Variants in OPCML observed in about 807,000 individuals in gnomAD.
The protein encoded by OPCML is opioid binding protein/cell adhesion molecule like, also known as opioid-binding protein/cell adhesion molecule.
OPCML carries 13 observed loss-of-function variants against 37.8 expected under a neutral mutation model. The observed-to-expected ratio is 0.34, with a 90% CI of 0.22 to 0.55. OPCML has a LOEUF of 0.55. Ranked by LOEUF, OPCML falls within the 20% of genes least tolerant of loss-of-function variation. OPCML has a pLI of 0.91. For missense variants in OPCML, 341 were observed against 435.6 expected (o/e 0.78, Z 1.93); for synonymous variants, 176 against 168.8 (o/e 1.04, Z -0.33).
At chr11:132,501,345 C>A (rs2096245162) in intron 4 of OPCML, among the ~76,000 whole-genome samples, 1 of 152,140 alleles carries the variant, frequency 6.6e-6, no homozygotes, top group Admixed American at 6.6e-5. Context: ...ACTAGAACAC[C>A]AAAAGCAATT....
intron 1 of OPCML, among the ~76,000 whole-genome samples, chr11:133,057,388 G>A (rs886920071): frequency 5.3e-5 from 8 of 152,154 alleles, no homozygotes; most frequent in South Asian, 2.1e-4. Context: ...GTCAGCTGGC[G>A]GCTCTTCGAC....
chr11:133,124,152 G>A (rs1354587249), intron 1 of OPCML, among the ~76,000 whole-genome samples: 1 of 146,206 alleles, frequency 6.8e-6, no homozygotes, highest in Middle Eastern at 3.4e-3. Context: ...CCATACTTAA[G>A]CCATACCCTC....
chr11:132,845,960 G>A (rs969558885), intron 2 of OPCML, among the ~76,000 whole-genome samples: 13 of 152,158 alleles, frequency 8.5e-5, no homozygotes, highest in Non-Finnish European at 1.9e-4. Flanking sequence ...CCCCAGTGTG[G>A]ACACTTAACT....
chr11:132,961,802 A>ATC (rs1946098668), intron 1 of OPCML, among the ~76,000 whole-genome samples: 1 of 152,312 alleles, frequency 6.6e-6, no homozygotes, highest in East Asian at 1.9e-4. Flanking sequence ...TGACATTTCC[A>ATC]TCTCTCTCTG....
At chr11:133,088,584 A>G (rs1334572882) in intron 1 of OPCML, among the ~76,000 whole-genome samples, 1 of 152,244 alleles carries the variant, frequency 6.6e-6, no homozygotes, top group East Asian at 1.9e-4. Context: ...GGGGATTGCA[A>G]TAAAAATCAC....
chr11:132,797,345 AT>A (rs781115115), intron 2 of OPCML, among the ~76,000 whole-genome samples: 15 of 152,154 alleles, frequency 9.9e-5, no homozygotes, highest in Non-Finnish European at 1.8e-4. Flanking sequence ...TCCCCATCCC[AT>A]TTTTTGTAAA....
intron 1 of OPCML, among the ~76,000 whole-genome samples, chr11:133,484,138 TG>T (rs1947475853): frequency 7.1e-6 from 1 of 141,520 alleles, no homozygotes; most frequent in African/African-American, 2.8e-5. Context: ...GATAGATAGA[TG>T]ATAGATGGAT....
chr11:132,982,330 C>T (rs1002662207), intron 1 of OPCML, among the ~76,000 whole-genome samples: 1 of 139,792 alleles, frequency 7.2e-6, no homozygotes, highest in African/African-American at 2.9e-5. Flanking sequence ...CTCTACCTTT[C>T]TCTCCCTCCT....
intron 1 of OPCML, among the ~76,000 whole-genome samples, chr11:133,364,224 G>C (rs575444095): frequency 6.6e-6 from 1 of 152,282 alleles, no homozygotes; most frequent in Admixed American, 6.5e-5. Context: ...ATTCCTACAC[G>C]CATGCACATG....
intron 1 of OPCML, among the ~76,000 whole-genome samples, chr11:133,411,986 C>T (rs975283831): frequency 5.9e-5 from 9 of 152,052 alleles, no homozygotes; most frequent in African/African-American, 1.2e-4. Flanking sequence ...TACTTATTTG[C>T]CACCCCCTCC....
chr11:132,605,997 G>T (rs1054944735), intron 3 of OPCML, among the ~76,000 whole-genome samples: 2 of 152,114 alleles, frequency 1.3e-5, no homozygotes, highest in African/African-American at 4.8e-5. Context: ...ATACTTTTGA[G>T]TTACCCTTGG....
At chr11:133,002,783 G>T (rs937989405) in intron 1 of OPCML, among the ~76,000 whole-genome samples, 1 of 151,698 alleles carries the variant, frequency 6.6e-6, no homozygotes. Flanking sequence ...AAGAGAGGGG[G>T]GGGTGGGAAG....
At chr11:132,784,955 T>C (rs998554114) in intron 2 of OPCML, among the ~76,000 whole-genome samples, 2 of 152,210 alleles carry the variant, frequency 1.3e-5, no homozygotes, top group African/African-American at 4.8e-5. Context: ...GTCTCAAGTA[T>C]TTCTTCATAA....
At chr11:133,464,556 C>A (rs956004614) in intron 1 of OPCML, among the ~76,000 whole-genome samples, 17 of 152,094 alleles carry the variant, frequency 1.1e-4, no homozygotes, top group Non-Finnish European at 2.5e-4. Flanking sequence ...GGATCAGAAT[C>A]TTTGGAAATG....
At chr11:132,792,963 G>C (rs763381807) in intron 2 of OPCML, among the ~76,000 whole-genome samples, 1 of 152,162 alleles carries the variant, frequency 6.6e-6, no homozygotes, top group South Asian at 2.1e-4. Flanking sequence ...ATTTCCAGCC[G>C]GATAGAGCGC....
intron 3 of OPCML, among the ~76,000 whole-genome samples, chr11:132,612,831 G>A (rs559336422): frequency 1.2e-4 from 18 of 152,162 alleles, no homozygotes; most frequent in African/African-American, 2.9e-4. Flanking sequence ...TCTGCAGTCC[G>A]GTCACCTATT....
chr11:132,831,752 C>T (rs925413929), intron 2 of OPCML, among the ~76,000 whole-genome samples: 4 of 150,974 alleles, frequency 2.6e-5, no homozygotes, highest in Admixed American at 6.6e-5. Context: ...GTTTCAAACA[C>T]TTTAAAGTTA....
chr11:132,894,314 C>G (rs1943755907), intron 2 of OPCML, among the ~76,000 whole-genome samples: 1 of 152,204 alleles, frequency 6.6e-6, no homozygotes, highest in African/African-American at 2.4e-5. Flanking sequence ...ACCTTGCTCT[C>G]CAGCTAACTT....
chr11:133,464,733 G>A (rs1323550546), intron 1 of OPCML, among the ~76,000 whole-genome samples: 1 of 152,196 alleles, frequency 6.6e-6, no homozygotes, highest in African/African-American at 2.4e-5. Context: ...AGGAGGGGGA[G>A]ATCTGTTAGC....
Sources: allele counts gnomAD v4.1 joint callset (sites outside exome capture counted in the v4.1 genomes callset), GRCh38; gene constraint gnomAD v4.1.1; transcripts MANE v1.5; gene names NCBI Gene and HGNC (gene_info 2026-07-23, HGNC 2026-07-21).